Variants in GAB4 observed in about 807,000 individuals in gnomAD.
The protein encoded by GAB4 is GRB2 associated binding protein family member 4, also known as GRB2-associated-binding protein 4.
A neutral mutation model predicts 51.3 loss-of-function variants in GAB4; 26 were observed. The ratio of observed to expected loss-of-function variants is 0.51; its 90% confidence interval spans 0.37 to 0.70. The LOEUF (loss-of-function observed/expected upper bound fraction) is 0.70. Among genes scored for constraint, GAB4 ranks in the 30% least tolerant of loss-of-function variants. The pLI, the probability that GAB4 is intolerant of heterozygous loss-of-function variation, is 0.00. For missense variants in GAB4, 759 were observed against 734.6 expected (o/e 1.03, Z -0.38); for synonymous variants, 329 against 291.2 (o/e 1.13, Z -1.32).
intron 1 of GAB4, among the ~76,000 whole-genome samples, chr22:17,006,788 A>T (rs2061043620): frequency 6.6e-6 from 1 of 152,222 alleles, no homozygotes; most frequent in Non-Finnish European, 1.5e-5. Context: ...GTTCTCACTC[A>T]TAAGTGGCAG....
intron 3 of GAB4, among the ~76,000 whole-genome samples, chr22:16,982,368 T>C (rs1186434571): frequency 6.6e-6 from 1 of 152,186 alleles, no homozygotes; most frequent in African/African-American, 2.4e-5. Context: ...TCAGTAGTAT[T>C]TCTATATGTC....
intron 1 of GAB4, 117 bp from the exon 2 acceptor site, chr22:16,992,293 C>A: frequency 2.3e-6 from 2 of 872,252 alleles, no homozygotes; most frequent in East Asian, 2.5e-5. Flanking sequence ...CTATGTCTCC[C>A]TTTCGGATTT....
At chr22:16,973,488 A>C (rs1457252700) in intron 3 of GAB4, among the ~76,000 whole-genome samples, 2 of 152,064 alleles carry the variant, frequency 1.3e-5, no homozygotes, top group Non-Finnish European at 2.9e-5. Context: ...TGCCTGCCCC[A>C]GGTCCCTTAC....
chr22:16,991,149 G>A (rs2060910323), intron 2 of GAB4, among the ~76,000 whole-genome samples: 1 of 152,054 alleles, frequency 6.6e-6, no homozygotes, highest in African/African-American at 2.4e-5. Context: ...GGGAAAGAGT[G>A]GAGCTTCCAA....
intron 3 of GAB4, among the ~76,000 whole-genome samples, chr22:16,978,337 C>T (rs1276426408): frequency 1.3e-5 from 2 of 151,878 alleles, no homozygotes; most frequent in African/African-American, 2.4e-5. Flanking sequence ...CAATAAAAAA[C>T]GATAAAGTGG....
At chr22:16,985,041 T>A (rs2060856559) in intron 3 of GAB4, among the ~76,000 whole-genome samples, 1 of 152,168 alleles carries the variant, frequency 6.6e-6, no homozygotes, top group Non-Finnish European at 1.5e-5. Context: ...TTCATTTACC[T>A]CCCAGGGTCT....
chr22:16,967,487 A>G (rs578213172), intron 5 of GAB4: 3 of 152,344 alleles, frequency 2.0e-5, no homozygotes, highest in African/African-American at 7.2e-5. Context: ...TGGCCCTGGA[A>G]GGTGACGTAT....
At chr22:16,978,074 A>C (rs559945062) in intron 3 of GAB4, among the ~76,000 whole-genome samples, 12 of 8,834 alleles carry the variant, frequency 1.4e-3, no homozygotes, top group South Asian at 1.6e-3. Context: ...CCATAAGAGA[A>C]AGCAGGGAAG....
intron 1 of GAB4, among the ~76,000 whole-genome samples, chr22:16,997,749 G>A (rs2123717032): frequency 6.6e-6 from 1 of 152,122 alleles, no homozygotes; most frequent in East Asian, 1.9e-4. Flanking sequence ...GGATTGCCTA[G>A]GTTTTCTTCT....
At chr22:16,981,800 A>T (rs1229724402) in intron 3 of GAB4, among the ~76,000 whole-genome samples, 5 of 152,196 alleles carry the variant, frequency 3.3e-5, no homozygotes, top group Admixed American at 6.5e-5. Flanking sequence ...ACAGACAAAG[A>T]TACAACAAAA....
intron 3 of GAB4, among the ~76,000 whole-genome samples, chr22:16,971,488 T>C (rs1304111097): frequency 5.9e-5 from 9 of 152,276 alleles, no homozygotes; most frequent in Non-Finnish European, 1.2e-4. Context: ...TGAGCAAGTA[T>C]GGATCTAGGT....
chr22:16,977,175 T>C (rs181512590), intron 3 of GAB4, among the ~76,000 whole-genome samples: 81 of 152,208 alleles, frequency 5.3e-4, no homozygotes, highest in African/African-American at 1.7e-3. Flanking sequence ...ATAACAATAT[T>C]AACCTTAAAT....
Position 16,969,940 on chromosome 22 carries a change from C to G in GAB4, c.937+3G>C. Reference sequence around the variant, plus strand: ...CTTCTGGGTGCCTTGAAGGGGTACACACCCTCATTATCCGCCTCAGAGCCT... The same window carrying G: ...CTTCTGGGTGCCTTGAAGGGGTACAGACCCTCATTATCCGCCTCAGAGCCT... On this transcript the variant is annotated splice_donor_region_variant and intron_variant, in intron 4 of 9. Coordinates refer to ENST00000400588, the MANE Select transcript of GAB4 (RefSeq NM_001037814.1). The G allele has an allele frequency of 6.2e-7, 1 of 1,614,106 alleles. No homozygotes were observed. The highest frequency in any genetic ancestry group is 1.3e-5 in the African/African-American group (1 of 75,050).
rs748898512 is a variant in GAB4 at position 17,008,056 on chromosome 22, G to A, written c.59C>T (p.Ala20Val). Residue 20 changes from alanine (A) to valine (V), a missense_variant, in exon 1 of 10, where the codon GCG (alanine) becomes GTG (valine). Coordinates refer to ENST00000400588, the MANE Select transcript of GAB4 (RefSeq NM_001037814.1). ...RELCPPDPAFAPLSSWPGSGP... is the reference protein window; with the variant it reads ...RELCPPDPAFVPLSSWPGSGP... Reference sequence around the variant, plus strand: ...ACTTCCGGGCCACGAAGACAAAGGCGCAAATGCCGGGTCAGGTGGGCACAG... The same window carrying A: ...ACTTCCGGGCCACGAAGACAAAGGCACAAATGCCGGGTCAGGTGGGCACAG... 4 of 1,607,618 alleles carry A rather than the reference G, an allele frequency of 2.5e-6. No homozygotes were observed. The highest frequency in any genetic ancestry group is 3.4e-6 in the Non-Finnish European group (4 of 1,177,320).
At chr22:16,997,845 G>C (rs1025652114) in intron 1 of GAB4, among the ~76,000 whole-genome samples, 21 of 152,212 alleles carry the variant, frequency 1.4e-4, no homozygotes, top group African/African-American at 4.6e-4. Flanking sequence ...AAGGGATCCA[G>C]TTTCAGCTTT....
At chr22:16,995,277 A>T (rs1289562604) in intron 1 of GAB4, among the ~76,000 whole-genome samples, 3 of 152,254 alleles carry the variant, frequency 2.0e-5, no homozygotes, top group Non-Finnish European at 4.4e-5. Flanking sequence ...ATCTGTAAGC[A>T]GATCCTTGAA....
In GAB4 at chr22:17,008,154, G is replaced by A. The variant is rs2061059911; in HGVS notation, c.-40C>T. ...ACAGTGAAGGTGGGGGAGACAGGGC[G>A]AGAGGGCGTTGCTGGAGGTGGGGTG... On this transcript the variant is annotated 5_prime_UTR_variant, in exon 1 of 10. Coordinates refer to ENST00000400588, the MANE Select transcript of GAB4 (RefSeq NM_001037814.1). 7 of 1,462,982 alleles carry A rather than the reference G, an allele frequency of 4.8e-6. No individual in the cohort carries two copies. The South Asian group carries it at 5.9e-5, about 12-fold the overall frequency. 90.6% of individuals were successfully genotyped at this position (1,462,982 alleles called of 1,614,324 possible).
Position 16,968,327 on chromosome 22 carries a change from A to G in GAB4, c.994T>C (p.Ser332Pro). The G allele has an allele frequency of 6.2e-7, 1 of 1,613,944 alleles. No individual in the cohort carries two copies. The highest frequency in any genetic ancestry group is 8.5e-7 in the Non-Finnish European group (1 of 1,179,930). Reference protein sequence around the residue: ...GGGNASRPAESMHEGVCSFLP... With the variant: ...GGGNASRPAEPMHEGVCSFLP... ...AAAGAACAGACTCCCTCATGCATGG[A>G]CTCAGCAGGCCGGCTGGCATTCCCT... Residue 332 changes from serine (S) to proline (P), a missense_variant, in exon 5 of 10, where the codon TCC becomes CCC. Coordinates refer to ENST00000400588, the MANE Select transcript of GAB4 (RefSeq NM_001037814.1).
At chr22:17,000,214 T>C (rs1471168295) in intron 1 of GAB4, among the ~76,000 whole-genome samples, 2 of 152,226 alleles carry the variant, frequency 1.3e-5, no homozygotes, top group Non-Finnish European at 2.9e-5. Flanking sequence ...TTCTGTCTTG[T>C]TGATCTGTCT....
Sources: allele counts gnomAD v4.1 joint callset (sites outside exome capture counted in the v4.1 genomes callset), GRCh38; gene constraint gnomAD v4.1.1; transcripts MANE v1.5; gene names NCBI Gene and HGNC (gene_info 2026-07-23, HGNC 2026-07-21).